UNC80: variants seen among roughly 807,000 people sequenced by gnomAD.
The protein encoded by UNC80 is unc-80 subunit of NALCN channel complex.
UNC80 carries 164 observed loss-of-function variants against 384.6 expected under a neutral mutation model. The observed-to-expected ratio is 0.43, with a 90% CI of 0.38 to 0.49. The LOEUF (loss-of-function observed/expected upper bound fraction) is 0.49. Among genes scored for constraint, UNC80 ranks in the 20% least tolerant of loss-of-function variants. The pLI is 0.00. For missense variants in UNC80, 3,330 were observed against 4,143.0 expected (o/e 0.80, Z 5.39); for synonymous variants, 1,486 against 1,527.8 (o/e 0.97, Z 0.64).
At chr2:209,843,918 A>G (rs2081947492) in intron 21 of UNC80, among the ~76,000 whole-genome samples, 1 of 152,212 alleles carries the variant, frequency 6.6e-6, no homozygotes, top group African/African-American at 2.4e-5. Flanking sequence ...ATCAAAAAGA[A>G]CATGACTTAG....
At chr2:209,956,234 C>A (rs564586878) in intron 48 of UNC80, among the ~76,000 whole-genome samples, 64 of 2,236 alleles carry the variant, frequency 0.029, no homozygotes, top group African/African-American at 0.12. Context: ...GCAGAGAAGA[C>A]TAGCTTCATT....
chr2:209,888,672 G>A (rs1008075991), intron 26 of UNC80, among the ~76,000 whole-genome samples: 8 of 151,964 alleles, frequency 5.3e-5, no homozygotes, highest in Non-Finnish European at 1.2e-4. Context: ...CTGGAGTGCA[G>A]TGGCACAATC....
At chr2:209,937,257 G>GT (rs1214818268) in intron 41 of UNC80, among the ~76,000 whole-genome samples, 2 of 152,308 alleles carry the variant, frequency 1.3e-5, no homozygotes, top group African/African-American at 4.8e-5. Flanking sequence ...ATACCTGTGT[G>GT]TGTCTATTTG....
chr2:209,816,891 C>T lies in UNC80; in HGVS notation c.1336-18C>T, dbSNP rs778809258. ...TTTCTTTGCCCTGTGCCTAATTCTA[C>T]ACCTCTCATCACTGTAGTTCAAGAG... On this transcript the variant is annotated intron_variant, in intron 9 of 64. Transcript: ENST00000673920. The T allele has an allele frequency of 3.2e-6, 5 of 1,550,786 alleles. No individual in the cohort carries two copies. The African/African-American group carries it at 6.8e-5, about 21-fold the overall frequency.
At chr2:209,962,495 A>G (rs1390164895) in intron 51 of UNC80, among the ~76,000 whole-genome samples, 2 of 152,232 alleles carry the variant, frequency 1.3e-5, no homozygotes, top group Non-Finnish European at 2.9e-5. Context: ...TGCTGGTTGT[A>G]CATGGCTGGA....
chr2:209,898,924 A>C (rs902906894), intron 28 of UNC80, among the ~76,000 whole-genome samples: 4 of 152,180 alleles, frequency 2.6e-5, no homozygotes, highest in African/African-American at 9.7e-5. Context: ...CTCCAGTTCT[A>C]TCCATGTTGT....
At chr2:209,934,165 A>C (rs984961503) in intron 39 of UNC80, among the ~76,000 whole-genome samples, 160 bp downstream of exon 39, 1 of 152,198 alleles carries the variant, frequency 6.6e-6, no homozygotes, top group Non-Finnish European at 1.5e-5. Flanking sequence ...ATCAGAGGAA[A>C]TACAATAGAC....
In UNC80 at chr2:209,776,059, A is replaced by G. The variant is rs760040137; in HGVS notation, c.298+14A>G. The G allele has an allele frequency of 9.9e-6, 16 of 1,613,896 alleles. No individual in the cohort carries two copies. The highest frequency in any genetic ancestry group is 1.4e-5 in the Non-Finnish European group (16 of 1,179,884). ...GAAACAAGCTAGGTTGGTGCCCCGC[A>G]TTACTTCTTTATTGCATGTGATTGC... On this transcript the variant is annotated intron_variant, in intron 3 of 64. Coordinates refer to ENST00000673920, the MANE Select transcript of UNC80 (RefSeq NM_001371986.1).
intron 41 of UNC80, among the ~76,000 whole-genome samples, chr2:209,937,273 T>C (rs1298417120): frequency 2.6e-5 from 4 of 152,226 alleles, no homozygotes; most frequent in Non-Finnish European, 5.9e-5. Flanking sequence ...ATTTGGAATT[T>C]GAATGCTGTT....
Position 209,772,001 on chromosome 2 carries a change from G to A in UNC80, c.-72G>A, listed in dbSNP as rs902245372. On this transcript the variant is annotated 5_prime_UTR_variant, in exon 1 of 65. Coordinates refer to ENST00000673920, the MANE Select transcript of UNC80 (RefSeq NM_001371986.1). ...AGGGGATGAGAGTTGGGAGCAGCGG[G>A]AGGAGGCGGCGGCGGCGGCTAGCGA... The A allele has an allele frequency of 1.5e-5, 17 of 1,119,778 alleles. No individual in the cohort carries two copies. The highest frequency in any genetic ancestry group is 2.2e-5 in the Non-Finnish European group (17 of 757,472). 69.4% of individuals were successfully genotyped at this position (1,119,778 alleles called of 1,614,324 possible). A position where few individuals can be genotyped will look rare whatever the true frequency, so the allele number is the denominator to read the frequency against.
chr2:209,962,812 C>T (rs779201339), intron 51 of UNC80, among the ~76,000 whole-genome samples: 6 of 152,132 alleles, frequency 3.9e-5, no homozygotes, highest in Non-Finnish European at 7.3e-5. Context: ...GTAATTAAGG[C>T]TCTCCTATAA....
At chr2:209,873,750 C>T (rs996485437) in intron 23 of UNC80, among the ~76,000 whole-genome samples, 1 of 152,146 alleles carries the variant, frequency 6.6e-6, no homozygotes, top group Non-Finnish European at 1.5e-5. Flanking sequence ...TTACAATTTC[C>T]GTTAATAATT....
At chr2:209,965,149 C>T (rs1252522591) in intron 51 of UNC80, among the ~76,000 whole-genome samples, 1 of 151,872 alleles carries the variant, frequency 6.6e-6, no homozygotes, top group African/African-American at 2.4e-5. Context: ...ACAAGAGTCA[C>T]TGTAGGCCAA....
At chr2:209,774,987 G>T (rs1397659307) in intron 2 of UNC80, among the ~76,000 whole-genome samples, 1 of 152,182 alleles carries the variant, frequency 6.6e-6, no homozygotes, top group African/African-American at 2.4e-5. Context: ...CTTGGGACTT[G>T]TTTATGATTA....
At chr2:209,806,637 A>G (rs745913028) in intron 7 of UNC80, among the ~76,000 whole-genome samples, 10 of 152,240 alleles carry the variant, frequency 6.6e-5, no homozygotes, top group Non-Finnish European at 1.2e-4. Flanking sequence ...TTAATCAGAA[A>G]AGAAGAGAAC....
intron 22 of UNC80, among the ~76,000 whole-genome samples, chr2:209,856,339 T>C (rs537094148): frequency 6.6e-6 from 1 of 152,272 alleles, no homozygotes; most frequent in Non-Finnish European, 1.5e-5. Context: ...TTATAGGTGA[T>C]GTCAATATTA....
chr2:209,793,918 C>T (rs1303064531), intron 7 of UNC80, 59 bp downstream of exon 7: 7 of 1,590,590 alleles, frequency 4.4e-6, no homozygotes, highest in African/African-American at 2.7e-5. Context: ...ATCAAATATG[C>T]ATTTTTAACT....
chr2:209,910,415 T>A (rs996355030), intron 29 of UNC80, among the ~76,000 whole-genome samples: 1 of 151,966 alleles, frequency 6.6e-6, no homozygotes, highest in African/African-American at 2.4e-5. Context: ...ATCTCTGTGA[T>A]ATCTATCTTC....
At chr2:209,772,846 T>C (rs2153824374) in intron 1 of UNC80, among the ~76,000 whole-genome samples, 1 of 152,266 alleles carries the variant, frequency 6.6e-6, no homozygotes, top group South Asian at 2.1e-4. Context: ...ATTTAAAATC[T>C]TAGAAGTCTT....
Sources: allele counts gnomAD v4.1 joint callset (sites outside exome capture counted in the v4.1 genomes callset), GRCh38; gene constraint gnomAD v4.1.1; transcripts MANE v1.5; gene names NCBI Gene and HGNC (gene_info 2026-07-23, HGNC 2026-07-21).